Variants in FOXP4 observed in about 807,000 individuals in gnomAD.
FOXP4 encodes the protein forkhead box P4, also known as forkhead box protein P4.
In FOXP4, 25 loss-of-function variants were observed where a neutral mutation model predicts 82.6. The ratio of observed to expected loss-of-function variants is 0.30; its 90% CI spans 0.22 to 0.42. FOXP4 has a LOEUF of 0.42. FOXP4 is among the 10% of genes least tolerant of loss of function. FOXP4 has a pLI of 1.00. For synonymous variants in FOXP4, 415 were observed against 388.2 expected (o/e 1.07, Z -0.81); for missense variants, 785 against 900.9 (o/e 0.87, Z 1.65).
At chr6:41,567,252 G>T (rs755545690) in intron 2 of FOXP4, among the ~76,000 whole-genome samples, 4 of 152,246 alleles carry the variant, frequency 2.6e-5, no homozygotes, top group Non-Finnish European at 5.9e-5. Context: ...TGCAATTTGG[G>T]TGTGCAACAC....
At chr6:41,575,916 C>T (rs1765455636) in intron 2 of FOXP4, among the ~76,000 whole-genome samples, 1 of 152,120 alleles carries the variant, frequency 6.6e-6, no homozygotes, top group Non-Finnish European at 1.5e-5. Context: ...ACCCCCTCAA[C>T]CCTACTCTAC....
chr6:41,564,445 A>T (rs918371043), intron 1 of FOXP4, among the ~76,000 whole-genome samples: 3 of 152,206 alleles, frequency 2.0e-5, no homozygotes, highest in African/African-American at 7.2e-5. Flanking sequence ...TAAATTAATT[A>T]AATTAAATTT....
intron 1 of FOXP4, among the ~76,000 whole-genome samples, chr6:41,562,666 C>T (rs1391735647): frequency 6.6e-6 from 1 of 152,220 alleles, no homozygotes; most frequent in African/African-American, 2.4e-5. Context: ...TTCCTTTCTC[C>T]TTTGCATGCA....
intron 15 of FOXP4, among the ~76,000 whole-genome samples, 199 bp from the exon 16 acceptor site, chr6:41,597,582 T>C (rs1182711852): frequency 1.3e-5 from 2 of 150,668 alleles, no homozygotes; most frequent in Non-Finnish European, 3.0e-5. Flanking sequence ...GGTCGGGGGG[T>C]CAGAGTTCCA....
rs554986318 is a variant in FOXP4 at position 41,597,596 on chromosome 6, A to G, written c.1726-185A>G. The stretch of plus-strand genomic sequence containing the variant: ...AGGTCGGGGGGTCAGAGTTCCAGCC[A>G]TGGGGGAGGGGTGCTACATTCAAAG... On this transcript the variant is annotated intron_variant, in intron 15 of 16. Coordinates refer to ENST00000307972, the MANE Select transcript of FOXP4 (RefSeq NM_001012426.2). 2.4e-3 allele frequency among the ~76,000 whole-genome samples: 364 copies of G among 151,934 alleles called. 2 individuals carry two copies. The highest frequency in any genetic ancestry group is 8.4e-3 in the African/African-American group (349 of 41,466).
chr6:41,592,040 C>A (rs1289245749), intron 13 of FOXP4, among the ~76,000 whole-genome samples: 6 of 151,248 alleles, frequency 4.0e-5, no homozygotes, highest in South Asian at 4.2e-4. Flanking sequence ...AAGGTGATAT[C>A]TAAATTGGGA....
Position 41,591,155 on chromosome 6 carries a change from G to A in FOXP4, c.1435-66G>A, listed in dbSNP as rs1458964577. The stretch of plus-strand genomic sequence containing the variant: ...GCAGAAGGGAGAGGTACTGGGGGAG[G>A]GAACCCAGGGCTGTGACCCTTCGAG... On this transcript the variant is annotated intron_variant, in intron 12 of 16. Transcript: ENST00000307972. This position sits in a 1 kb window ranked among gnomAD's most constrained non-coding sequence, Gnocchi z 4.2. 1.0e-5 allele frequency: 14 copies of A among 1,353,674 alleles called. No individual in the cohort carries two copies. The East Asian group carries it at 3.2e-4, about 31-fold the overall frequency. 83.9% of individuals were successfully genotyped at this position (1,353,674 alleles called of 1,614,324 possible). A position where few individuals can be genotyped will look rare whatever the true frequency, so the allele number is the denominator to read the frequency against.
intron 1 of FOXP4, among the ~76,000 whole-genome samples, chr6:41,550,824 G>A (rs1197854280): frequency 6.6e-6 from 1 of 152,206 alleles, no homozygotes; most frequent in African/African-American, 2.4e-5. Context: ...GAATTCCCCA[G>A]AATGCAGAGG....
rs117886915 is a variant in FOXP4, at chr6:41,589,453, C to G, written c.1066-318C>G. Among the ~76,000 whole-genome samples the G allele has an allele frequency of 1.9e-3, 286 of 152,360 alleles. 6 individuals carry two copies. The East Asian group carries it at 0.04, about 21-fold the overall frequency. On this transcript the variant is annotated intron_variant, in intron 9 of 16. Transcript: ENST00000307972. Reference sequence around the variant, plus strand: ...CTGCACAAGGCACAGTGGCCGCCCCCCCGTGGGTGGGTAGGAAGAAGCCTC... The same window carrying G: ...CTGCACAAGGCACAGTGGCCGCCCCGCCGTGGGTGGGTAGGAAGAAGCCTC...
chr6:41,596,178 G>A (rs566056119), intron 14 of FOXP4, among the ~76,000 whole-genome samples: 10 of 152,294 alleles, frequency 6.6e-5, no homozygotes, highest in African/African-American at 2.2e-4. Flanking sequence ...GATTACAGGC[G>A]TGAGCTACCG....
At chr6:41,581,307 C>T (rs559727697) in intron 3 of FOXP4, among the ~76,000 whole-genome samples, 2 of 152,326 alleles carry the variant, frequency 1.3e-5, no homozygotes, top group East Asian at 3.9e-4. Context: ...CATTCGTTCC[C>T]ACTCTCAGCC....
intron 2 of FOXP4, among the ~76,000 whole-genome samples, chr6:41,568,387 C>T (rs940953849): frequency 3.3e-5 from 5 of 152,204 alleles, no homozygotes; most frequent in Admixed American, 2.0e-4. Context: ...ATAAAGGCTG[C>T]GTAGACCTCA....
At chr6:41,577,850 T>C (rs73733284) in intron 2 of FOXP4, 136 bp from the exon 3 acceptor site, 6,505 of 620,388 alleles carry the variant, frequency 0.01, 284 homozygotes, top group African/African-American at 0.097. Flanking sequence ...CAAGCCCTTA[T>C]GGACCCATGA....
At chr6:41,567,725 CAG>C (rs1157388072) in intron 2 of FOXP4, among the ~76,000 whole-genome samples, 13 of 152,186 alleles carry the variant, frequency 8.5e-5, no homozygotes, top group Admixed American at 8.5e-4. Flanking sequence ...TGGGGAAAGA[CAG>C]AACTGTCTGT....
At chr6:41,548,089 A>T (rs1045226068) in intron 1 of FOXP4, among the ~76,000 whole-genome samples, 2 of 152,158 alleles carry the variant, frequency 1.3e-5, no homozygotes. Context: ...GGGAAAGGGT[A>T]TGGGAACCCT....
rs1012433858 is a variant in FOXP4 at position 41,573,248 on chromosome 6, C to T, written c.205-4738C>T. Among the ~76,000 whole-genome samples the T allele has an allele frequency of 3.3e-5, 5 of 152,170 alleles. 1 individual carries two copies. In the South Asian group the frequency reaches 6.2e-4, roughly 19 times the overall value. On this transcript the variant is annotated intron_variant, in intron 2 of 16. Transcript: ENST00000307972. ...AGAGAATGACCCCTCTCCCACCCCC[C>T]ACTCCACCAACCCCGAATTCCCAGA...
chr6:41,600,126 A>G lies in FOXP4; in HGVS notation c.*1190A>G, dbSNP rs1212145692. On this transcript the variant is annotated 3_prime_UTR_variant, in exon 17 of 17. Coordinates refer to ENST00000307972, the MANE Select transcript of FOXP4 (RefSeq NM_001012426.2). ...GACCTTCTCTCTCCACCCCTCCTCCATCCACCCTGAGGACCCTGGGGCTCA... is the reference window on the plus strand; with the variant it reads ...GACCTTCTCTCTCCACCCCTCCTCCGTCCACCCTGAGGACCCTGGGGCTCA... 1 of 151,312 alleles carries G rather than the reference A, an allele frequency of 6.6e-6. No individual in the cohort carries two copies. The highest frequency in any genetic ancestry group is 2.4e-5 in the African/African-American group (1 of 40,944). The allele number at this position is 151,312 out of a possible 1,614,324, so 9.4% of individuals were successfully genotyped here.
rs778211894 is a variant in FOXP4 at position 41,587,369 on chromosome 6, C to A, written c.729C>A (p.Asp243Glu). 6.2e-7 allele frequency: 1 copy of A among 1,606,508 alleles called. No individual in the cohort carries two copies. Among genetic ancestry groups the A allele is most frequent in the Admixed American group, 1.7e-5 (1 of 59,096 alleles). ...GTGCCCCCGGGCAGCCTGCCGAGGA[C>A]AGCGTCAAGCAGGAGGGGCTGGACC... Reference protein sequence around the residue: ...GEGAPGQPAEDSVKQEGLDLT... With the variant: ...GEGAPGQPAEESVKQEGLDLT... The change falls in exon 7 of 17, where the codon GAC (aspartate) becomes GAA (glutamate). Residue 243 changes from aspartate to glutamate, a missense_variant. This residue lies in a region of FOXP4 where 570 missense variants were observed against 634.0 expected (regional missense o/e 0.90). Transcript: ENST00000307972.
intron 9 of FOXP4, 56 bp downstream of exon 9, chr6:41,588,787 C>G: frequency 1.3e-6 from 2 of 1,584,996 alleles, no homozygotes; most frequent in South Asian, 2.2e-5. Flanking sequence ...CCTGCCCACC[C>G]ACAGCACTGA....
Sources: allele counts gnomAD v4.1 joint callset (sites outside exome capture counted in the v4.1 genomes callset), GRCh38; gene constraint gnomAD v4.1.1; regional missense constraint gnomAD v4.1.1; non-coding constraint Gnocchi (gnomAD v3.1); transcripts MANE v1.5; gene names NCBI Gene and HGNC (gene_info 2026-07-23, HGNC 2026-07-21).